CLDN18: variants seen among roughly 807,000 people sequenced by gnomAD.
CLDN18 encodes the protein claudin 18.
In CLDN18, 20 loss-of-function variants were observed where a neutral mutation model predicts 25.0. The ratio of observed to expected loss-of-function variants is 0.80; its 90% CI spans 0.56 to 1.16. The LOEUF is 1.16. Ranked by LOEUF, CLDN18 falls within the 50% of genes most tolerant of loss-of-function variation. The pLI is 0.00. For synonymous variants in CLDN18, 125 were observed against 135.6 expected (o/e 0.92, Z 0.54); for missense variants, 297 against 345.4 (o/e 0.86, Z 1.11).
intron 1 of CLDN18, among the ~76,000 whole-genome samples, chr3:138,002,152 G>A (rs1026982135): frequency 5.9e-5 from 9 of 152,154 alleles, no homozygotes; most frequent in African/African-American, 2.2e-4. Context: ...CCCTCTCAGC[G>A]AAGCATTCTC....
rs1006371834 is a variant in CLDN18, at chr3:138,027,045, C to T, written c.503+2321C>T. On this transcript the variant is annotated intron_variant, in intron 3 of 4. Transcript: ENST00000183605. ...AAGCTGGAGAAGAGACCCACAGAAA[C>T]GGTTAAAGGGTAGAGCACCACTAGT... Among the ~76,000 whole-genome samples the T allele has an allele frequency of 5.9e-5, 9 of 152,306 alleles. No individual in the cohort carries two copies. In the South Asian group the frequency reaches 6.2e-4, roughly 11 times the overall value.
Position 137,999,019 on chromosome 3 carries a change from C to A in CLDN18, c.151C>A (p.Arg51Ser), listed in dbSNP as rs769554093. The change falls in exon 1 of 5, where the codon CGC becomes AGC. Residue 51 changes from arginine (R) to serine (S), a missense_variant. Transcript: ENST00000343735. Reference sequence around the variant, plus strand: ...TGTTTTCAACTACCAGGGGCTGTGGCGCTCCTGTGTCCGAGAGAGCTCTGG... The same window carrying A: ...TGTTTTCAACTACCAGGGGCTGTGGAGCTCCTGTGTCCGAGAGAGCTCTGG... 3.1e-6 allele frequency: 5 copies of A among 1,614,044 alleles called. No homozygotes were observed. The African/African-American group carries it at 5.3e-5, about 17-fold the overall frequency.
chr3:138,021,433 T>C (rs1942268831), intron 1 of CLDN18, among the ~76,000 whole-genome samples: 1 of 152,190 alleles, frequency 6.6e-6, no homozygotes. Context: ...CTAGCTGGCT[T>C]CTGACTTGCT....
At chr3:138,020,757 T>C (rs1044399214) in intron 1 of CLDN18, among the ~76,000 whole-genome samples, 3 of 152,236 alleles carry the variant, frequency 2.0e-5, no homozygotes, top group Admixed American at 6.5e-5. Flanking sequence ...ATTTGGAGAA[T>C]GTTTTCTTCC....
chr3:138,018,932 C>G (rs1942241044), intron 1 of CLDN18, among the ~76,000 whole-genome samples: 3 of 152,138 alleles, frequency 2.0e-5, no homozygotes, highest in Non-Finnish European at 4.4e-5. Context: ...TTCAAATTTT[C>G]TTCCCCTCTT....
At chr3:138,020,224 C>T (rs1352577079) in intron 1 of CLDN18, among the ~76,000 whole-genome samples, 2 of 152,200 alleles carry the variant, frequency 1.3e-5, no homozygotes, top group African/African-American at 4.8e-5. Context: ...TTTCCTCCCA[C>T]TTACTGGCAC....
chr3:138,008,984 T>C (rs183426109), upstream of CLDN18, among the ~76,000 whole-genome samples: 9 of 152,332 alleles, frequency 5.9e-5, no homozygotes, highest in Admixed American at 1.3e-4. Flanking sequence ...CCCATATCCG[T>C]CAACCAATTC....
chr3:138,030,350 T>C (rs1220351169), intron 4 of CLDN18, among the ~76,000 whole-genome samples: 1 of 152,220 alleles, frequency 6.6e-6, no homozygotes, highest in Non-Finnish European at 1.5e-5. Flanking sequence ...AAGCATCTGT[T>C]CCAAAACGTC....
chr3:138,019,859 T>C (rs2107884539), intron 1 of CLDN18, among the ~76,000 whole-genome samples: 1 of 152,350 alleles, frequency 6.6e-6, no homozygotes, highest in East Asian at 1.9e-4. Flanking sequence ...TGTTTGCTTC[T>C]TTCAGCCCTG....
At position 138,031,325 on chromosome 3, in the gene CLDN18, T is replaced by C. The variant is rs1942393557; in HGVS notation, c.*184T>C. The C allele has an allele frequency of 2.2e-6, 1 of 445,612 alleles. No homozygotes were observed. The highest frequency in any genetic ancestry group is 2.0e-5 in the African/African-American group (1 of 50,320). The allele number at this position is 445,612 out of a possible 1,614,324, so 27.6% of individuals were successfully genotyped here. ...GTCTCTGTCTCTAAATATTCCACCATAAAACAGCTGAGTTATTTATGAATT... is the reference window on the plus strand; with the variant it reads ...GTCTCTGTCTCTAAATATTCCACCACAAAACAGCTGAGTTATTTATGAATT... On this transcript the variant is annotated 3_prime_UTR_variant, in exon 5 of 5. Transcript: ENST00000183605.
chr3:138,028,575 T>C (rs1942353643), intron 3 of CLDN18, among the ~76,000 whole-genome samples: 1 of 152,228 alleles, frequency 6.6e-6, no homozygotes, highest in Non-Finnish European at 1.5e-5. Context: ...GGCACTCCTT[T>C]TCCATGCTGA....
chr3:138,014,464 C>T (rs1168923171), intron 1 of CLDN18, among the ~76,000 whole-genome samples: 2 of 151,948 alleles, frequency 1.3e-5, no homozygotes, highest in East Asian at 3.9e-4. Context: ...CCCAGCATGG[C>T]ACACAACAAG....
intron 1 of CLDN18, among the ~76,000 whole-genome samples, chr3:138,002,001 TCAAA>T (rs777677853): frequency 1.3e-5 from 2 of 152,064 alleles, no homozygotes; most frequent in Non-Finnish European, 2.9e-5. Context: ...AGAAACAACC[TCAAA>T]CAAGTGGATT....
intron 1 of CLDN18, among the ~76,000 whole-genome samples, chr3:138,003,157 G>C (rs930136948): frequency 6.6e-6 from 1 of 152,018 alleles, no homozygotes; most frequent in African/African-American, 2.4e-5. Context: ...GGCATCTCTG[G>C]CCTCTACCCA....
chr3:138,003,477 T>A (rs921930738), intron 1 of CLDN18, among the ~76,000 whole-genome samples: 1 of 152,156 alleles, frequency 6.6e-6, no homozygotes, highest in Non-Finnish European at 1.5e-5. Flanking sequence ...GAATGTACTA[T>A]GTTAAGAAAA....
rs575758774 is a variant in CLDN18, at chr3:138,024,475, T to C, written c.386-132T>C. ...TATTTAGCACATAGCAAGAATTCAA[T>C]AATCAATGCTTGGTTATAGGGATAC... On this transcript the variant is annotated intron_variant, in intron 2 of 4. Coordinates refer to ENST00000183605, the MANE Select transcript of CLDN18 (RefSeq NM_016369.4). 6.5e-4 allele frequency: 432 copies of C among 664,628 alleles called. 10 individuals are homozygous for C. The South Asian group carries it at 7.2e-3, about 11-fold the overall frequency. 41.2% of individuals were successfully genotyped at this position (664,628 alleles called of 1,614,324 possible). A position where few individuals can be genotyped will look rare whatever the true frequency, so the allele number is the denominator to read the frequency against.
chr3:138,030,820 G>A (rs1942382973), intron 4 of CLDN18, 150 bp from the exon 5 acceptor site: 1 of 673,048 alleles, frequency 1.5e-6, no homozygotes, highest in African/African-American at 1.8e-5. Flanking sequence ...CAAAAACTAA[G>A]GTTACTAACT....
In CLDN18 at chr3:137,999,231, C is replaced by T. The variant is rs1037856361; in HGVS notation, c.220+143C>T. ...TTGACAGGGGCAACAGCCACCTGCACCAGGGTGGAATAGGAGGACGGGAAC... is the reference window on the plus strand; with the variant it reads ...TTGACAGGGGCAACAGCCACCTGCATCAGGGTGGAATAGGAGGACGGGAAC... On this transcript the variant is annotated intron_variant, in intron 1 of 4. Coordinates refer to the CLDN18 transcript ENST00000343735. The T allele has an allele frequency of 9.9e-6, 7 of 706,102 alleles. No individual in the cohort carries two copies. In the African/African-American group the frequency reaches 1.1e-4, roughly 11 times the overall value. 43.7% of individuals were successfully genotyped at this position (706,102 alleles called of 1,614,324 possible). A position where few individuals can be genotyped will look rare whatever the true frequency, so the allele number is the denominator to read the frequency against.
chr3:138,006,466 C>A (rs938970941), upstream of CLDN18, among the ~76,000 whole-genome samples: 4 of 152,100 alleles, frequency 2.6e-5, no homozygotes, highest in African/African-American at 9.7e-5. Context: ...GGGATGATTT[C>A]CCCTAGGAAG....
Sources: gnomAD v4.1 joint callset for allele counts (sites outside exome capture counted in the v4.1 genomes callset) on GRCh38, gnomAD v4.1.1 for gene constraint, MANE v1.5 for transcripts, NCBI Gene and HGNC (gene_info 2026-07-23, HGNC 2026-07-21) for gene names.